The following TRPM3 variants were observed in gnomAD, a reference collection of about 807,000 sequenced individuals.
TRPM3 encodes long transient receptor potential channel 3.
TRPM3 carries 77 observed loss-of-function variants against 181.2 expected under a neutral mutation model. That is an observed-to-expected ratio of 0.42 (90% CI 0.35 to 0.51). The LOEUF (loss-of-function observed/expected upper bound fraction) is 0.51. Ranked by LOEUF, TRPM3 falls within the 20% of genes least tolerant of loss-of-function variation. The probability of loss-of-function intolerance (pLI) is 0.01; values close to 1 mark genes in which losing one functional copy is unlikely to be tolerated. For synonymous variants in TRPM3, 745 were observed against 796.4 expected (o/e 0.94, Z 1.09); for missense variants, 1,759 against 2,196.7 (o/e 0.80, Z 3.98).
chr9:71,294,206 A>G (rs2086064363), intron 1 of TRPM3, among the ~76,000 whole-genome samples: 1 of 152,030 alleles, frequency 6.6e-6, no homozygotes, highest in Non-Finnish European at 1.5e-5. Flanking sequence ...TAATCCAAAA[A>G]CAGAGAAAAT....
intron 1 of TRPM3, among the ~76,000 whole-genome samples, chr9:71,061,054 T>A (rs1362730329): frequency 6.6e-6 from 1 of 152,084 alleles, no homozygotes; most frequent in African/African-American, 2.4e-5. Context: ...AGATATTTCT[T>A]AACAAGTGTC....
intron 1 of TRPM3, among the ~76,000 whole-genome samples, chr9:71,050,979 A>C (rs1287078564): frequency 6.6e-6 from 1 of 151,946 alleles, no homozygotes; most frequent in Non-Finnish European, 1.5e-5. Context: ...ACAAGAAATA[A>C]CTCTCCTTCA....
chr9:70,608,190 CAG>C (rs1414261304), intron 19 of TRPM3, among the ~76,000 whole-genome samples: 7 of 152,308 alleles, frequency 4.6e-5, no homozygotes, highest in Non-Finnish European at 8.8e-5. Flanking sequence ...GTGGCCCTGC[CAG>C]AGTCTCTGAG....
chr9:71,158,642 G>A (rs892468246), intron 1 of TRPM3, among the ~76,000 whole-genome samples: 2 of 152,090 alleles, frequency 1.3e-5, no homozygotes, highest in African/African-American at 2.4e-5. Context: ...GAATAATAAT[G>A]TCTCTCTTAT....
chr9:71,405,706 GTTC>G (rs2093424558), intron 1 of TRPM3, among the ~76,000 whole-genome samples: 1 of 152,054 alleles, frequency 6.6e-6, no homozygotes, highest in African/African-American at 2.4e-5. Context: ...TCTCCTGATG[GTTC>G]TTCTCCTTTC....
In TRPM3 at chr9:70,651,364, G is replaced by C. The variant is rs1478371903; in HGVS notation, c.1346-10704C>G. Among the ~76,000 whole-genome samples, 11 of 152,200 alleles carry C rather than the reference G, an allele frequency of 7.2e-5. No individual in the cohort carries two copies. The East Asian group carries it at 2.1e-3, about 29-fold the overall frequency. ...ATTATTTATCATTTAAAAGGGCCCA[G>C]GATAGCATTTCAGTTTAGTTATTAA... is the stretch of plus-strand genomic sequence containing the variant. On this transcript the variant is annotated intron_variant, in intron 9 of 25. Transcript: ENST00000677713.
Position 71,387,821 on chromosome 9 carries a change from C to T in TRPM3, c.183+58832G>A, listed in dbSNP as rs77987448. On this transcript the variant is annotated intron_variant, in intron 1 of 24. Coordinates refer to the TRPM3 transcript ENST00000357533. ...TATCTCTAGAGACAACCACTACTAA[C>T]ATCAAAATAAATATTCATCAAGACA... 7.4e-3 allele frequency among the ~76,000 whole-genome samples: 1,125 copies of T among 152,168 alleles called. 5 individuals are homozygous for T. Among genetic ancestry groups the T allele is most frequent in the Non-Finnish European group, 0.011 (778 of 67,998 alleles).
At chr9:70,562,629 T>G in intron 22 of TRPM3, among the ~76,000 whole-genome samples, 5 of 116,236 alleles carry the variant, frequency 4.3e-5, no homozygotes, top group South Asian at 3.5e-4. Context: ...AGGGGGGAGG[T>G]ATGGGGGGAA....
intron 1 of TRPM3, among the ~76,000 whole-genome samples, chr9:71,006,159 G>A (rs1240203867): frequency 3.3e-5 from 5 of 152,062 alleles, no homozygotes; most frequent in South Asian, 2.1e-4. Flanking sequence ...TTAGCCCCGC[G>A]TGTTGCCACA....
At chr9:70,602,811 G>A (rs2060307323) in intron 20 of TRPM3, among the ~76,000 whole-genome samples, 1 of 152,182 alleles carries the variant, frequency 6.6e-6, no homozygotes, top group Admixed American at 6.5e-5. Context: ...ACAACCTGAA[G>A]GATCTGTGTT....
At chr9:70,813,721 A>G (rs1277205908) in intron 6 of TRPM3, among the ~76,000 whole-genome samples, 1 of 152,228 alleles carries the variant, frequency 6.6e-6, no homozygotes. Flanking sequence ...GAGAGGCTGT[A>G]GAGCACAGTG....
At chr9:70,780,171 G>T (rs1463794626) in intron 7 of TRPM3, among the ~76,000 whole-genome samples, 6 of 152,112 alleles carry the variant, frequency 3.9e-5, no homozygotes, top group African/African-American at 1.4e-4. Context: ...AGGTTAAAAT[G>T]TAAGGCTTTT....
chr9:70,911,871 C>G (rs2133157132), intron 1 of TRPM3, among the ~76,000 whole-genome samples: 1 of 152,284 alleles, frequency 6.6e-6, no homozygotes, highest in Middle Eastern at 3.4e-3. Flanking sequence ...CATATCTTCC[C>G]ATTTGCCTCC....
intron 6 of TRPM3, among the ~76,000 whole-genome samples, chr9:70,809,101 T>C (rs957892169): frequency 3.9e-5 from 6 of 152,160 alleles, no homozygotes; most frequent in African/African-American, 1.4e-4. Flanking sequence ...AGATAAAAAA[T>C]TTTAAAGACA....
intron 3 of TRPM3, among the ~76,000 whole-genome samples, chr9:70,849,453 G>A (rs2095133901): frequency 6.6e-6 from 1 of 152,116 alleles, no homozygotes; most frequent in South Asian, 2.1e-4. Flanking sequence ...CCTGAAGGAA[G>A]TTTTAAAATA....
In TRPM3 at chr9:70,961,963, T is replaced by C. The variant is rs139458658; in HGVS notation, c.178-97452A>G. Reference sequence around the variant, plus strand: ...GAATTAGCATCATAGAATGACTCTATAGGACTGTGATTACTGATCAATAAT... The same window carrying C: ...GAATTAGCATCATAGAATGACTCTACAGGACTGTGATTACTGATCAATAAT... On this transcript the variant is annotated intron_variant, in intron 1 of 25. Transcript: ENST00000677713. Among the ~76,000 whole-genome samples the C allele has an allele frequency of 4.2e-3, 635 of 152,242 alleles. 6 individuals carry two copies. The highest frequency in any genetic ancestry group is 6.3e-3 in the Non-Finnish European group (428 of 68,020).
At chr9:71,437,725 G>A (rs558285941) in intron 1 of TRPM3, among the ~76,000 whole-genome samples, 49 of 151,764 alleles carry the variant, frequency 3.2e-4, no homozygotes, top group East Asian at 1.6e-3. Context: ...AAAATTAGCC[G>A]GGAGTGGTGG....
At chr9:70,993,491 GATA>G (rs1314153788) in intron 1 of TRPM3, among the ~76,000 whole-genome samples, 2 of 152,104 alleles carry the variant, frequency 1.3e-5, no homozygotes, top group Non-Finnish European at 2.9e-5. Context: ...TATTGACTGG[GATA>G]ATAATTGGAA....
intron 1 of TRPM3, among the ~76,000 whole-genome samples, chr9:71,407,256 A>T (rs2093454291): frequency 6.6e-6 from 1 of 152,132 alleles, no homozygotes; most frequent in African/African-American, 2.4e-5. Flanking sequence ...ATGAAGTGTG[A>T]GCTGAAGCAC....
Sources: gnomAD v4.1 joint callset for allele counts (sites outside exome capture counted in the v4.1 genomes callset) on GRCh38, gnomAD v4.1.1 for gene constraint, MANE v1.5 for transcripts, NCBI Gene and HGNC (gene_info 2026-07-23, HGNC 2026-07-21) for gene names.